Variants in KDM4C observed in about 807,000 individuals in gnomAD.
KDM4C encodes the protein lysine-specific demethylase 4C.
A neutral mutation model predicts 129.3 loss-of-function variants in KDM4C; 81 were observed. That is an observed-to-expected ratio of 0.63 (90% CI 0.52 to 0.75). KDM4C has a LOEUF of 0.75. Ranked by LOEUF, KDM4C falls within the 30% of genes least tolerant of loss-of-function variation. KDM4C has a pLI of 0.00. For synonymous variants in KDM4C, 573 were observed against 456.1 expected (o/e 1.26, Z -3.26); for missense variants, 1,457 against 1,304.0 (o/e 1.12, Z -1.81).
At chr9:6,785,486 G>A (rs1021522277) in intron 1 of KDM4C, among the ~76,000 whole-genome samples, 11 of 152,108 alleles carry the variant, frequency 7.2e-5, no homozygotes, top group Admixed American at 2.6e-4. Context: ...ACAGGCACCC[G>A]CCACCATGCC....
intron 11 of KDM4C, among the ~76,000 whole-genome samples, chr9:6,988,417 A>T (rs1315137147): frequency 6.6e-6 from 1 of 152,076 alleles, no homozygotes; most frequent in Non-Finnish European, 1.5e-5. Context: ...AAAGACTGAC[A>T]GTAGAGAAAC....
chr9:6,764,373 TTA>T (rs1410909301), intron 1 of KDM4C, among the ~76,000 whole-genome samples: 5 of 152,234 alleles, frequency 3.3e-5, no homozygotes, highest in Non-Finnish European at 5.9e-5. Flanking sequence ...ATTGGTTCAT[TTA>T]TATGTTTCAT....
At chr9:6,837,621 C>G (rs1836123735) in intron 4 of KDM4C, among the ~76,000 whole-genome samples, 1 of 152,154 alleles carries the variant, frequency 6.6e-6, no homozygotes, top group Non-Finnish European at 1.5e-5. Flanking sequence ...CTTTTCATGT[C>G]TTTATCGGCC....
chr9:7,086,414 C>T (rs1214142309), intron 17 of KDM4C, among the ~76,000 whole-genome samples: 4 of 152,186 alleles, frequency 2.6e-5, no homozygotes, highest in Admixed American at 6.5e-5. Context: ...AAGTAATCAT[C>T]CACACTTTAT....
chr9:6,989,702 A>T (rs961984836), intron 11 of KDM4C, among the ~76,000 whole-genome samples: 2 of 152,126 alleles, frequency 1.3e-5, no homozygotes, highest in East Asian at 3.9e-4. Flanking sequence ...TCCTTGCTAA[A>T]TGTTAACATG....
At chr9:7,169,622 A>G (rs913123724) in intron 20 of KDM4C, among the ~76,000 whole-genome samples, 176 bp from the exon 21 acceptor site, 1 of 152,184 alleles carries the variant, frequency 6.6e-6, no homozygotes, top group Non-Finnish European at 1.5e-5. Context: ...GTGAGCCACC[A>G]TGCCCGGCCT....
intron 8 of KDM4C, among the ~76,000 whole-genome samples, chr9:6,938,410 G>A (rs1029278873): frequency 6.6e-6 from 1 of 152,104 alleles, no homozygotes; most frequent in Non-Finnish European, 1.5e-5. Context: ...CTCCTCTACA[G>A]GAAGCTAATA....
intron 17 of KDM4C, among the ~76,000 whole-genome samples, chr9:7,073,468 C>T (rs895825813): frequency 6.6e-6 from 1 of 152,216 alleles, no homozygotes; most frequent in African/African-American, 2.4e-5. Context: ...CATGTTCTCT[C>T]CCACTAAGCT....
chr9:6,873,228 C>G (rs1363876807), intron 5 of KDM4C, among the ~76,000 whole-genome samples: 1 of 152,168 alleles, frequency 6.6e-6, no homozygotes, highest in Admixed American at 6.5e-5. Flanking sequence ...AACTCCTGAC[C>G]TCAGGTGATC....
chr9:6,914,319 A>T (rs941156835), intron 8 of KDM4C, among the ~76,000 whole-genome samples: 35 of 152,242 alleles, frequency 2.3e-4, no homozygotes, highest in Non-Finnish European at 3.2e-4. Context: ...TCTGACTCCC[A>T]AAGTGCTGGG....
rs33974740 is a variant in KDM4C, at chr9:6,926,341, T to TAAAAAAAAAAAAAAAAAAAAAAAAAA, written c.921+33123_921+33124insAAAAAAAAAAAAAAAAAAAAAAAAAA. ...GAAGCAGTTGTAGAGAGATAATTTGTAAAAAAAAAAAAAAGGACCAAAATA... is the reference window on the plus strand; with the variant it reads ...GAAGCAGTTGTAGAGAGATAATTTGTAAAAAAAAAAAAAAAAAAAAAAAAAAAAAAAAAAAAAAAAGGACCAAAATA... On this transcript the variant is annotated intron_variant, in intron 8 of 21. Transcript: ENST00000381309. 9.0e-3 allele frequency among the ~76,000 whole-genome samples: 953 copies of TAAAAAAAAAAAAAAAAAAAAAAAAAA among 106,018 alleles called. 19 individuals carry two copies. The highest frequency in any genetic ancestry group is 0.016 in the Non-Finnish European group (799 of 48,850). The allele number at this position is 106,018 out of a possible 152,430, so 69.6% of individuals were successfully genotyped here.
intron 8 of KDM4C, among the ~76,000 whole-genome samples, chr9:6,930,568 TTATC>T (rs1402192314): frequency 1.3e-5 from 2 of 148,622 alleles, no homozygotes; most frequent in African/African-American, 2.4e-5. Context: ...GTTATATATG[TTATC>T]TATAACATGT....
intron 19 of KDM4C, among the ~76,000 whole-genome samples, chr9:7,151,871 C>T (rs747526730): frequency 5.3e-5 from 8 of 152,182 alleles, no homozygotes; most frequent in Non-Finnish European, 8.8e-5. Context: ...ACATTTTCTT[C>T]TAAGCATGTT....
chr9:6,823,198 TC>T (rs566212272), intron 4 of KDM4C, among the ~76,000 whole-genome samples: 1 of 152,218 alleles, frequency 6.6e-6, no homozygotes, highest in Non-Finnish European at 1.5e-5. Context: ...GACACATAGC[TC>T]CTCCTCTCAT....
intron 5 of KDM4C, among the ~76,000 whole-genome samples, chr9:6,851,637 T>C (rs1230985784): frequency 6.6e-6 from 1 of 152,166 alleles, no homozygotes; most frequent in East Asian, 1.9e-4. Context: ...GTTAAGGAAT[T>C]AATAAATGAG....
intron 8 of KDM4C, among the ~76,000 whole-genome samples, chr9:6,903,539 C>G (rs10975887): frequency 6.6e-6 from 1 of 151,980 alleles, no homozygotes; most frequent in Non-Finnish European, 1.5e-5. Context: ...ACCATTTTCT[C>G]ACACTCTTAG....
At position 6,812,913 on chromosome 9, in the gene KDM4C, C is replaced by T. The variant is rs184601404; in HGVS notation, c.321-1718C>T. On this transcript the variant is annotated intron_variant, in intron 3 of 21. Transcript: ENST00000381309. ...TTTTAAGGCTGGGTGCGGTGGCTCT[C>T]GCCTGTAAATCCCAGGAGTTGGGAG... 6.6e-3 allele frequency among the ~76,000 whole-genome samples: 1,001 copies of T among 152,286 alleles called. 10 individuals are homozygous for T. Among genetic ancestry groups the T allele is most frequent in the African/African-American group, 0.023 (948 of 41,560 alleles).
chr9:7,002,389 A>G (rs818887), intron 12 of KDM4C, among the ~76,000 whole-genome samples: 39,486 of 152,134 alleles, frequency 0.26, 5,229 homozygotes, highest in East Asian at 0.47. Flanking sequence ...TATTAGTACA[A>G]TGTGGAATAA....
intron 1 of KDM4C, among the ~76,000 whole-genome samples, chr9:6,730,333 C>T (rs1317155593): frequency 6.6e-6 from 1 of 151,690 alleles, no homozygotes; most frequent in South Asian, 2.1e-4. Context: ...TTTAATTGAG[C>T]GGCTGGGCGT....
Sources: allele counts gnomAD v4.1 joint callset (sites outside exome capture counted in the v4.1 genomes callset), GRCh38; gene constraint gnomAD v4.1.1; transcripts MANE v1.5; gene names NCBI Gene and HGNC (gene_info 2026-07-23, HGNC 2026-07-21).